The following FRMPD4 variants were observed in gnomAD, a reference collection of about 807,000 sequenced individuals.
FRMPD4 encodes FERM and PDZ domain-containing protein 4.
Under a neutral mutation model 94.1 loss-of-function variants are expected in FRMPD4, and 22 were observed. The ratio of observed to expected loss-of-function variants is 0.23; its 90% CI spans 0.17 to 0.33. The LOEUF is 0.33. Ranked by LOEUF, FRMPD4 falls within the 10% of genes least tolerant of loss-of-function variation. The pLI is 1.00. For missense variants in FRMPD4, 1,111 were observed against 1,339.9 expected, an observed-to-expected ratio of 0.83 and a Z score of 2.67; for synonymous variants, 631 against 548.6, an observed-to-expected ratio of 1.15 and a Z score of -2.10.
intron 1 of FRMPD4, among the ~76,000 whole-genome samples, chrX:12,393,750 A>AT (rs1168411885): frequency 8.9e-6 from 1 of 111,998 alleles, no homozygotes; most frequent in East Asian, 2.8e-4. Context: ...ATTTGTACAT[A>AT]TTTTTTTCTC....
chrX:12,670,934 G>GA (rs1159934199), intron 4 of FRMPD4, among the ~76,000 whole-genome samples: 1 of 112,449 alleles, frequency 8.9e-6, no homozygotes, highest in Non-Finnish European at 1.9e-5. Flanking sequence ...CGAAGGATAT[G>GA]AACAAACACT....
chrX:12,148,731 C>G (rs1306033841), intron 1 of FRMPD4, among the ~76,000 whole-genome samples: 1 of 112,114 alleles, frequency 8.9e-6, no homozygotes, highest in Non-Finnish European at 1.9e-5. Flanking sequence ...AAAGGACAGG[C>G]TGACTCTCTT....
At chrX:12,183,224 C>T (rs756906003) in intron 1 of FRMPD4, among the ~76,000 whole-genome samples, 1 of 111,607 alleles carries the variant, frequency 9.0e-6, no homozygotes, top group Admixed American at 9.5e-5. Context: ...CTGGGTCATT[C>T]AACCAAGACA....
chrX:11,955,406 C>T (rs1309834620), intron 3 of FRMPD4, among the ~76,000 whole-genome samples: 1 of 110,244 alleles, frequency 9.1e-6, no homozygotes, highest in Non-Finnish European at 1.9e-5. Flanking sequence ...ATGGGAGGAT[C>T]ATTTGAGCCC....
chrX:12,509,258 T>A (rs2058018835), intron 2 of FRMPD4, among the ~76,000 whole-genome samples: 1 of 111,036 alleles, frequency 9.0e-6, no homozygotes, highest in Non-Finnish European at 1.9e-5. Context: ...GGAAAAGAAG[T>A]CATACGAAAA....
chrX:12,177,077 G>C (rs2056304597), intron 1 of FRMPD4, among the ~76,000 whole-genome samples: 1 of 112,038 alleles, frequency 8.9e-6, no homozygotes, highest in African/African-American at 3.2e-5. Flanking sequence ...CTATTAGTTA[G>C]TGCTCATTAA....
chrX:12,226,898 AT>A (rs1189667220), intron 1 of FRMPD4, among the ~76,000 whole-genome samples: 4 of 110,133 alleles, frequency 3.6e-5, no homozygotes, highest in Non-Finnish European at 5.7e-5. Flanking sequence ...TTAGAATTTT[AT>A]TCCCTATATC....
At chrX:12,653,159 T>C (rs774995682) in intron 4 of FRMPD4, among the ~76,000 whole-genome samples, 7 of 112,040 alleles carry the variant, frequency 6.2e-5, no homozygotes, top group Non-Finnish European at 1.1e-4. Flanking sequence ...ATTACCTATC[T>C]CACAGGCTGC....
intron 1 of FRMPD4, among the ~76,000 whole-genome samples, chrX:12,404,620 G>C (rs1323655387): frequency 8.9e-6 from 1 of 112,061 alleles, no homozygotes; most frequent in Admixed American, 9.5e-5. Context: ...CTCACATCTG[G>C]ATGAACATAA....
At chrX:12,508,274 T>C (rs990437859) in intron 2 of FRMPD4, among the ~76,000 whole-genome samples, 73 of 59,135 alleles carry the variant, frequency 1.2e-3, no homozygotes, top group Admixed American at 3.7e-3. Context: ...GTTCCTCAGG[T>C]GGTTCTTTTT....
Position 12,723,506 on chromosome X carries a change from A to C in FRMPD4, c.*1648A>C, listed in dbSNP as rs1270787908. ...AGGAGTTTAGGTGTGTGTTATTATA[A>C]ATAATGTTTAACTAAATAATAAAAC... On this transcript the variant is annotated 3_prime_UTR_variant, in exon 17 of 17. Coordinates refer to ENST00000675598, the MANE Select transcript of FRMPD4 (RefSeq NM_001368397.1). The C allele has an allele frequency of 8.9e-6, 1 of 112,135 alleles. No individual in the cohort carries two copies. Among genetic ancestry groups the C allele is most frequent in the Non-Finnish European group, 1.9e-5 (1 of 53,257 alleles). 9.2% of individuals were successfully genotyped at this position (112,135 alleles called of 1,213,427 possible).
intron 1 of FRMPD4, among the ~76,000 whole-genome samples, chrX:12,376,082 G>A (rs745389935): frequency 8.9e-6 from 1 of 112,119 alleles, no homozygotes; most frequent in Non-Finnish European, 1.9e-5. Context: ...TGGTAGGGCC[G>A]AGCATGGCCC....
At chrX:12,660,371 GT>G (rs1410600637) in intron 4 of FRMPD4, among the ~76,000 whole-genome samples, 2 of 111,499 alleles carry the variant, frequency 1.8e-5, no homozygotes, top group East Asian at 2.8e-4. Flanking sequence ...CTCTAAGTTT[GT>G]TTTTTTCCCC....
chrX:12,015,547 T>A (rs985152004), intron 3 of FRMPD4, among the ~76,000 whole-genome samples: 1 of 112,293 alleles, frequency 8.9e-6, no homozygotes, highest in Non-Finnish European at 1.9e-5. Context: ...TTTTGCTCCT[T>A]TTATTCTATC....
chrX:12,364,203 G>A (rs934507207), intron 1 of FRMPD4, among the ~76,000 whole-genome samples: 1 of 111,219 alleles, frequency 9.0e-6, no homozygotes, highest in Non-Finnish European at 1.9e-5. Context: ...GGTATAGTAA[G>A]GCCAACAGAT....
intron 2 of FRMPD4, among the ~76,000 whole-genome samples, chrX:12,547,785 T>C (rs1315859213): frequency 8.9e-6 from 1 of 112,337 alleles, no homozygotes; most frequent in African/African-American, 3.2e-5. Flanking sequence ...TTAACAAACA[T>C]CAACCTTAAA....
chrX:11,966,547 A>T (rs990831608), intron 3 of FRMPD4, among the ~76,000 whole-genome samples: 2 of 111,333 alleles, frequency 1.8e-5, no homozygotes, highest in Non-Finnish European at 1.9e-5. Context: ...CATCATCATC[A>T]TCATAGCCTC....
At position 11,891,973 on chromosome X, in the gene FRMPD4, A is replaced by G. The variant is rs193285729; in HGVS notation, c.95+13955A>G. 2.4e-3 allele frequency among the ~76,000 whole-genome samples: 267 copies of G among 112,418 alleles called. 1 individual carries two copies. Among genetic ancestry groups the G allele is most frequent in the African/African-American group, 8.3e-3 (256 of 30,984 alleles). On this transcript the variant is annotated intron_variant, in intron 3 of 18. Coordinates refer to the FRMPD4 transcript ENST00000640291. Reference sequence around the variant, plus strand: ...ATTTGATGAATGAATAAGTGAACAAATTCTCAAATATCCTAACAGTCATTT... The same window carrying G: ...ATTTGATGAATGAATAAGTGAACAAGTTCTCAAATATCCTAACAGTCATTT...
At chrX:12,264,066 A>G (rs2054236931) in intron 1 of FRMPD4, among the ~76,000 whole-genome samples, 1 of 111,463 alleles carries the variant, frequency 9.0e-6, no homozygotes, top group African/African-American at 3.3e-5. Context: ...GGGGGGACAC[A>G]TTCAAGCCAT....
Sources: allele counts gnomAD v4.1 joint callset (sites outside exome capture counted in the v4.1 genomes callset), GRCh38; gene constraint gnomAD v4.1.1; transcripts MANE v1.5; gene names NCBI Gene and HGNC (gene_info 2026-07-23, HGNC 2026-07-21).